The following RABGAP1L variants were observed in gnomAD, a reference collection of about 807,000 sequenced individuals.
RABGAP1L encodes RAB GTPase activating protein 1 like.
Under a neutral mutation model 137.7 loss-of-function variants are expected in RABGAP1L, and 63 were observed. The observed-to-expected ratio is 0.46, with a 90% CI of 0.37 to 0.56. The LOEUF is 0.56. Ranked by LOEUF, RABGAP1L falls within the 20% of genes least tolerant of loss-of-function variation. The probability of loss-of-function intolerance (pLI) is 0.00; values close to 1 mark genes in which losing one functional copy is unlikely to be tolerated. For synonymous variants in RABGAP1L, 431 were observed against 433.7 expected (o/e 0.99, Z 0.08); for missense variants, 1,095 against 1,244.0 (o/e 0.88, Z 1.80).
At chr1:174,502,223 G>C (rs1367683446) in intron 13 of RABGAP1L, among the ~76,000 whole-genome samples, 1 of 151,758 alleles carries the variant, frequency 6.6e-6, no homozygotes, top group African/African-American at 2.4e-5. Flanking sequence ...CAGCTAGAAT[G>C]CCAGGCAGAA....
At chr1:174,379,222 A>C (rs994592106) in intron 12 of RABGAP1L, among the ~76,000 whole-genome samples, 19 of 149,882 alleles carry the variant, frequency 1.3e-4, no homozygotes, top group Admixed American at 2.7e-4. Flanking sequence ...AGGTAGTGTG[A>C]TGCCTCCAGC....
intron 13 of RABGAP1L, among the ~76,000 whole-genome samples, chr1:174,468,892 G>A (rs1225430997): frequency 2.0e-5 from 3 of 152,112 alleles, no homozygotes; most frequent in Non-Finnish European, 4.4e-5. Flanking sequence ...TTGCAGATAA[G>A]TGTTATACTA....
intron 17 of RABGAP1L, among the ~76,000 whole-genome samples, chr1:174,741,584 A>ACT (rs1437709594): frequency 6.6e-6 from 1 of 150,788 alleles, no homozygotes; most frequent in Non-Finnish European, 1.5e-5. Context: ...CTGGTTTTGA[A>ACT]CTCCTGGGTT....
At chr1:174,599,447 G>T (rs1247571659) in intron 13 of RABGAP1L, among the ~76,000 whole-genome samples, 2 of 152,196 alleles carry the variant, frequency 1.3e-5, no homozygotes, top group African/African-American at 4.8e-5. Flanking sequence ...TGGACCTCCA[G>T]ATGATTTCTT....
chr1:174,584,718 A>G (rs557638238), intron 13 of RABGAP1L, among the ~76,000 whole-genome samples: 2 of 152,312 alleles, frequency 1.3e-5, no homozygotes, highest in South Asian at 4.1e-4. Flanking sequence ...TTTTCTCTGT[A>G]ATGTTTAGTT....
At chr1:174,599,793 C>T (rs765486324) in intron 13 of RABGAP1L, among the ~76,000 whole-genome samples, 1 of 152,036 alleles carries the variant, frequency 6.6e-6, no homozygotes, top group Non-Finnish European at 1.5e-5. Flanking sequence ...TTATTGAATG[C>T]CCTGAGGTAG....
intron 13 of RABGAP1L, among the ~76,000 whole-genome samples, chr1:174,493,680 G>A (rs1660473201): frequency 6.6e-6 from 1 of 151,766 alleles, no homozygotes; most frequent in African/African-American, 2.4e-5. Flanking sequence ...AATCAGCCTG[G>A]CATGGTGGTG....
intron 13 of RABGAP1L, among the ~76,000 whole-genome samples, chr1:174,598,089 G>A (rs1670109393): frequency 6.6e-6 from 1 of 152,096 alleles, no homozygotes; most frequent in African/African-American, 2.4e-5. Context: ...CCAGAACTTT[G>A]AGAGGCCGAT....
At chr1:174,403,208 AGT>A (rs201238291) in intron 13 of RABGAP1L, among the ~76,000 whole-genome samples, 21,145 of 126,494 alleles carry the variant, frequency 0.17, 1,710 homozygotes, top group Middle Eastern at 0.23. Context: ...TATATATGAG[AGT>A]GTGTGTGTGT....
intron 19 of RABGAP1L, among the ~76,000 whole-genome samples, chr1:174,847,177 A>T (rs1244398496): frequency 1.3e-5 from 2 of 149,758 alleles, no homozygotes; most frequent in African/African-American, 4.9e-5. Flanking sequence ...TTGACTCTTT[A>T]TCCAACTTGC....
intron 13 of RABGAP1L, among the ~76,000 whole-genome samples, chr1:174,627,113 A>T (rs571083634): frequency 6.6e-6 from 1 of 152,334 alleles, no homozygotes; most frequent in African/African-American, 2.4e-5. Context: ...AATACAGCTT[A>T]TACTTTGGAT....
At chr1:174,420,717 C>T (rs1197288971) in intron 13 of RABGAP1L, among the ~76,000 whole-genome samples, 2 of 150,928 alleles carry the variant, frequency 1.3e-5, no homozygotes, top group Admixed American at 6.6e-5. Context: ...CTCTGTCACC[C>T]AGGCTGGAGT....
In RABGAP1L at chr1:174,546,374, T is replaced by C. The variant is rs1666011259; in HGVS notation, c.1711-91001T>C. Among the ~76,000 whole-genome samples the C allele has an allele frequency of 3.3e-5, 5 of 152,320 alleles. No homozygotes were observed. The South Asian group carries it at 1.0e-3, about 32-fold the overall frequency. ...AGGTAGCCTATTAGGTATAAATATA[T>C]TGAGATAGTGACTCAGTTTTATTTT... On this transcript the variant is annotated intron_variant, in intron 13 of 25. Coordinates refer to ENST00000681986, the MANE Select transcript of RABGAP1L (RefSeq NM_001366446.1).
At chr1:174,547,001 G>A (rs1558329638) in intron 13 of RABGAP1L, among the ~76,000 whole-genome samples, 1 of 121,398 alleles carries the variant, frequency 8.2e-6, no homozygotes, top group Non-Finnish European at 1.6e-5. Context: ...CTGCACTCCA[G>A]CCTGGGCGAA....
At chr1:174,671,140 G>A (rs891459724) in intron 14 of RABGAP1L, among the ~76,000 whole-genome samples, 1 of 152,126 alleles carries the variant, frequency 6.6e-6, no homozygotes, top group African/African-American at 2.4e-5. Context: ...TTCACCGTTA[G>A]TGCATAGAAA....
At chr1:174,953,318 A>C (rs1309640708) in intron 19 of RABGAP1L, among the ~76,000 whole-genome samples, 2 of 152,228 alleles carry the variant, frequency 1.3e-5, no homozygotes, top group Non-Finnish European at 1.5e-5. Context: ...TATTCTTTTC[A>C]GTCTTCCCCT....
intron 13 of RABGAP1L, among the ~76,000 whole-genome samples, chr1:174,518,893 C>T (rs1341058572): frequency 2.0e-5 from 3 of 152,246 alleles, no homozygotes; most frequent in South Asian, 2.1e-4. Context: ...TTGTATTTTA[C>T]AGTAGCTGAG....
At chr1:174,272,836 G>A (rs891580447) in intron 8 of RABGAP1L, among the ~76,000 whole-genome samples, 3 of 151,896 alleles carry the variant, frequency 2.0e-5, no homozygotes, top group African/African-American at 7.2e-5. Context: ...TTAATGCACT[G>A]CTATTAATTT....
intron 13 of RABGAP1L, among the ~76,000 whole-genome samples, chr1:174,427,791 T>G (rs965778673): frequency 6.6e-6 from 1 of 152,220 alleles, no homozygotes; most frequent in Admixed American, 6.5e-5. Flanking sequence ...AAAGGGACAC[T>G]AATCAGTCCA....
Sources: gnomAD v4.1 joint callset for allele counts (sites outside exome capture counted in the v4.1 genomes callset) on GRCh38, gnomAD v4.1.1 for gene constraint, MANE v1.5 for transcripts, NCBI Gene and HGNC (gene_info 2026-07-23, HGNC 2026-07-21) for gene names.